Variants in ADPGK observed in about 807,000 individuals in gnomAD.
ADPGK encodes the protein ADP-dependent glucokinase.
A neutral mutation model predicts 42.4 loss-of-function variants in ADPGK; 26 were observed. The observed-to-expected ratio is 0.61, with a 90% CI of 0.45 to 0.85. The LOEUF is 0.85. ADPGK is among the 40% of genes least tolerant of loss of function. The pLI is 0.00. For synonymous variants in ADPGK, 267 were observed against 252.6 expected, an observed-to-expected ratio of 1.06 and a Z score of -0.54; for missense variants, 571 against 627.0, an observed-to-expected ratio of 0.91 and a Z score of 0.95.
In ADPGK at chr15:72,752,153, T is replaced by TC; in HGVS notation, c.*187dup. 1 of 648,794 alleles carries TC rather than the reference T, an allele frequency of 1.5e-6. No individual in the cohort carries two copies. The highest frequency in any genetic ancestry group is 2.5e-6 in the Non-Finnish European group (1 of 395,244). The allele number at this position is 648,794 out of a possible 1,614,324, so 40.2% of individuals were successfully genotyped here. On this transcript the variant is annotated 3_prime_UTR_variant, in exon 7 of 7. Coordinates refer to ENST00000456471, the MANE Select transcript of ADPGK (RefSeq NM_001365225.1). ...TGACACACAACATAAAAAACAAAAA[T>TC]CCAGTCTCATTAGCTAAATTCGGAT... is the stretch of plus-strand genomic sequence containing the variant.
intron 1 of ADPGK, among the ~76,000 whole-genome samples, chr15:72,779,932 A>T (rs2066436475): frequency 6.6e-6 from 1 of 152,204 alleles, no homozygotes; most frequent in South Asian, 2.1e-4. Flanking sequence ...TTATCTTCTG[A>T]AACTTGTTTT....
At chr15:72,759,681 G>T (rs940416397) in intron 4 of ADPGK, among the ~76,000 whole-genome samples, 5 of 151,384 alleles carry the variant, frequency 3.3e-5, no homozygotes, top group African/African-American at 1.2e-4. Context: ...TCTTTAATGT[G>T]TATTAACAAT....
chr15:72,756,188 G>A (rs2304598), intron 5 of ADPGK, 63 bp downstream of exon 5: 240,426 of 1,593,292 alleles, frequency 0.15, 19,527 homozygotes, highest in African/African-American at 0.28. Flanking sequence ...GATGCCAAGA[G>A]AGGCTGGAAC....
chr15:72,760,550 C>T (rs762150398), intron 3 of ADPGK, 23 bp from the exon 4 acceptor site: 1 of 1,587,782 alleles, frequency 6.3e-7, no homozygotes, highest in Admixed American at 1.7e-5. Context: ...AACACGAAGT[C>T]CATCAGGAGC....
chr15:72,767,321 A>G (rs2066272863), intron 3 of ADPGK, among the ~76,000 whole-genome samples: 2 of 151,960 alleles, frequency 1.3e-5, no homozygotes, highest in African/African-American at 4.8e-5. Context: ...GAAATAGACA[A>G]GTATCCAAAA....
intron 3 of ADPGK, among the ~76,000 whole-genome samples, chr15:72,767,073 T>C (rs2066269834): frequency 6.6e-6 from 1 of 152,040 alleles, no homozygotes; most frequent in South Asian, 2.1e-4. Flanking sequence ...AAGATGCAAA[T>C]AGATTAAAAG....
intron 3 of ADPGK, among the ~76,000 whole-genome samples, chr15:72,766,967 T>A (rs1175574511): frequency 6.6e-6 from 1 of 152,130 alleles, no homozygotes; most frequent in Non-Finnish European, 1.5e-5. Context: ...ATGTAAATGG[T>A]CTAAACACTC....
chr15:72,760,707 G>A (rs2066181962), intron 3 of ADPGK, among the ~76,000 whole-genome samples, 180 bp from the exon 4 acceptor site: 1 of 152,088 alleles, frequency 6.6e-6, no homozygotes, highest in South Asian at 2.1e-4. Context: ...TGTCACCAGG[G>A]CTAAGGCCTC....
chr15:72,758,548 T>C (rs1246614768), intron 4 of ADPGK: 3 of 228,468 alleles, frequency 1.3e-5, no homozygotes, highest in African/African-American at 6.9e-5. Flanking sequence ...GGCTCCCTCC[T>C]TGGACCTAGG....
At chr15:72,771,664 G>C (rs1323474811) in intron 3 of ADPGK, 119 bp downstream of exon 3, 1 of 834,108 alleles carries the variant, frequency 1.2e-6, no homozygotes, top group Non-Finnish European at 1.8e-6. Context: ...AAAGACCCAG[G>C]GTCTGGTACA....
intron 2 of ADPGK, among the ~76,000 whole-genome samples, chr15:72,774,498 T>G (rs562981468): frequency 6.6e-6 from 1 of 152,268 alleles, no homozygotes; most frequent in South Asian, 2.1e-4. Context: ...CCAGGTGAAC[T>G]TGGAAACCAC....
intron 1 of ADPGK, among the ~76,000 whole-genome samples, chr15:72,779,631 C>T (rs1285755130): frequency 6.6e-6 from 1 of 152,086 alleles, no homozygotes; most frequent in African/African-American, 2.4e-5. Flanking sequence ...TAAAACTCCT[C>T]CTATCCTTTA....
At chr15:72,768,173 A>T (rs992260738) in intron 3 of ADPGK, among the ~76,000 whole-genome samples, 1 of 152,144 alleles carries the variant, frequency 6.6e-6, no homozygotes, top group African/African-American at 2.4e-5. Flanking sequence ...CTTAGATGAA[A>T]CAAATTCCTT....
At chr15:72,775,583 G>C (rs2066382139) in intron 1 of ADPGK, among the ~76,000 whole-genome samples, 1 of 152,212 alleles carries the variant, frequency 6.6e-6, no homozygotes, top group South Asian at 2.1e-4. Context: ...AATTGGCGCA[G>C]AGTAAGCAAA....
intron 3 of ADPGK, among the ~76,000 whole-genome samples, chr15:72,770,848 G>A (rs1384622066): frequency 6.6e-6 from 1 of 152,114 alleles, no homozygotes; most frequent in Non-Finnish European, 1.5e-5. Context: ...TGACCTATCC[G>A]TATTTCTGAG....
chr15:72,778,435 G>C (rs900268446), intron 1 of ADPGK, among the ~76,000 whole-genome samples: 2 of 152,126 alleles, frequency 1.3e-5, no homozygotes. Flanking sequence ...GAAATAAAGG[G>C]AGACACAGTT....
Position 72,771,788 on chromosome 15 carries a change from A to C in ADPGK, c.517T>G (p.Leu173Val). Residue 173 changes from leucine to valine, a missense_variant, in exon 3 of 7, where the codon TTA (leucine) becomes GTA (valine). By Grantham distance (32) the Leu-to-Val change is conservative (BLOSUM62 1). This residue lies in a region of ADPGK where 434 missense variants were observed against 522.7 expected (regional missense o/e 0.83). Coordinates refer to ENST00000456471, the MANE Select transcript of ADPGK (RefSeq NM_001365225.1). ...AATCTAAAAACTTGACCTACCTTTA[A>C]ATCTGAGTTGGCTGCAAATTTCTGT... ...IGQKFAANSD[L>V]KVLLCGPVGP... is the part of the protein sequence containing the mutation. 1 of 1,612,984 alleles carries C rather than the reference A, an allele frequency of 6.2e-7. No individual in the cohort carries two copies. Among genetic ancestry groups the C allele is most frequent in the South Asian group, 1.1e-5 (1 of 91,020 alleles).
intron 3 of ADPGK, among the ~76,000 whole-genome samples, chr15:72,761,262 C>T (rs2066189099): frequency 6.6e-6 from 1 of 152,196 alleles, no homozygotes; most frequent in South Asian, 2.1e-4. Flanking sequence ...GGCAAACAGA[C>T]ATGGGATGTT....
chr15:72,756,488 G>A (rs1313871270), intron 4 of ADPGK, 41 bp from the exon 5 acceptor site: 28 of 1,607,586 alleles, frequency 1.7e-5, no homozygotes, highest in African/African-American at 2.7e-5. Flanking sequence ...AAAAGGAAGA[G>A]GCTTTAGGTC....
Sources: gnomAD v4.1 joint callset for allele counts (sites outside exome capture counted in the v4.1 genomes callset) on GRCh38, gnomAD v4.1.1 for gene constraint, gnomAD v4.1.1 regional missense constraint, MANE v1.5 for transcripts, NCBI Gene and HGNC (gene_info 2026-07-23, HGNC 2026-07-21) for gene names.